The following CRYBG1 variants were observed in gnomAD, a reference collection of about 807,000 sequenced individuals.
CRYBG1 encodes the protein crystallin beta-gamma domain containing 1.
CRYBG1 carries 139 observed loss-of-function variants against 189.2 expected under a neutral mutation model. The ratio of observed to expected loss-of-function variants is 0.73; its 90% CI spans 0.64 to 0.85. The LOEUF (loss-of-function observed/expected upper bound fraction) is 0.85, where lower values mean the gene tolerates loss of function less well. Ranked by LOEUF, CRYBG1 falls within the 40% of genes least tolerant of loss-of-function variation. CRYBG1 has a pLI of 0.00. For missense variants in CRYBG1, 2,611 were observed against 2,675.8 expected (o/e 0.98, Z 0.53); for synonymous variants, 1,023 against 1,017.1 (o/e 1.01, Z -0.11).
chr6:106,541,744 A>G (rs2114570738), intron 10 of CRYBG1, 123 bp downstream of exon 10: 1 of 731,718 alleles, frequency 1.4e-6, no homozygotes, highest in Non-Finnish European at 2.2e-6. Context: ...GTGACTTCTC[A>G]TATTAAACCT....
chr6:106,467,690 G>T (rs921832787), intron 2 of CRYBG1, among the ~76,000 whole-genome samples: 2 of 151,514 alleles, frequency 1.3e-5, no homozygotes, highest in East Asian at 3.9e-4. Flanking sequence ...AGAAAGAGAA[G>T]AATTTCTAAG....
chr6:106,560,884 C>A lies in CRYBG1; in HGVS notation c.5937C>A (p.Phe1979Leu). 6.2e-7 allele frequency: 1 copy of A among 1,612,664 alleles called. No homozygotes were observed. Among genetic ancestry groups the A allele is most frequent in the Non-Finnish European group, 8.5e-7 (1 of 1,179,396 alleles). The change falls in exon 19 of 22, where the codon TTC (phenylalanine) becomes TTA (leucine). Residue 1979 changes from phenylalanine (F) to leucine (L), a missense_variant. Physicochemically the swap from Phe to Leu is conservative, Grantham distance 22 (BLOSUM62 0). Transcript: ENST00000633556. ...CAGAAGTACCTAATTGGTATGAATT[C>A]AGTGGCTGTCGCCAAATAGGTTCTC... ...SPAEVPNWYE[F>L]SGCRQIGSLR...
chr6:106,497,821 T>C lies in CRYBG1; in HGVS notation c.313-13609T>C, dbSNP rs1404480754. On this transcript the variant is annotated intron_variant, in intron 2 of 21. Coordinates refer to ENST00000633556, the MANE Select transcript of CRYBG1 (RefSeq NM_001371242.2). ...AACTGTCAGCTGAGGCTGGGCGCAGTGGCTCATGCCTGTAATCCCAGCACT... is the reference window on the plus strand; with the variant it reads ...AACTGTCAGCTGAGGCTGGGCGCAGCGGCTCATGCCTGTAATCCCAGCACT... Among the ~76,000 whole-genome samples the C allele has an allele frequency of 3.3e-5, 5 of 152,212 alleles. No homozygotes were observed. In the East Asian group the frequency reaches 9.6e-4, roughly 29 times the overall value.
chr6:106,542,977 CATTTTATTTT>C (rs201220565), intron 10 of CRYBG1, among the ~76,000 whole-genome samples: 37,506 of 147,972 alleles, frequency 0.25, 5,498 homozygotes, highest in Non-Finnish European at 0.33. Flanking sequence ...ATGATTAGAA[CATTTTATTTT>C]ATTTTATTTT....
At chr6:106,565,110 G>T (rs1479959219) in intron 21 of CRYBG1, among the ~76,000 whole-genome samples, 1 of 152,098 alleles carries the variant, frequency 6.6e-6, no homozygotes, top group Non-Finnish European at 1.5e-5. Flanking sequence ...ACGAGGTCAG[G>T]AGATCGAGAC....
intron 2 of CRYBG1, among the ~76,000 whole-genome samples, chr6:106,510,267 C>CTTT (rs1773218654): frequency 6.6e-6 from 1 of 152,258 alleles, no homozygotes; most frequent in Non-Finnish European, 1.5e-5. Flanking sequence ...GGGCTCGCCG[C>CTTT]CCCTGCTCCC....
chr6:106,571,846 C>A lies in CRYBG1; in HGVS notation c.*3280C>A. 1.8e-6 allele frequency: 1 copy of A among 557,070 alleles called. No individual in the cohort carries two copies. 34.5% of individuals were successfully genotyped at this position (557,070 alleles called of 1,614,324 possible). On this transcript the variant is annotated 3_prime_UTR_variant, in exon 22 of 22. Transcript: ENST00000633556. ...CTGATATTTTTATATCAATTACTGG[C>A]CAAAATGGTGTGTTTATTTTTTAAA...
intron 1 of CRYBG1, among the ~76,000 whole-genome samples, chr6:106,448,588 A>G (rs1358729154): frequency 1.3e-5 from 2 of 152,172 alleles, no homozygotes; most frequent in South Asian, 2.1e-4. Flanking sequence ...CCAAATTATG[A>G]AAGTTCCTAC....
chr6:106,478,640 C>G (rs942414941), intron 2 of CRYBG1, among the ~76,000 whole-genome samples: 1 of 152,222 alleles, frequency 6.6e-6, no homozygotes, highest in African/African-American at 2.4e-5. Flanking sequence ...GGGCCCCCGA[C>G]CCCTGGACCA....
chr6:106,559,322 T>C (rs1003953985), intron 18 of CRYBG1, among the ~76,000 whole-genome samples: 1 of 152,166 alleles, frequency 6.6e-6, no homozygotes, highest in Non-Finnish European at 1.5e-5. Flanking sequence ...CTTGGAAAGA[T>C]TTTTTTCCCC....
chr6:106,522,361 C>T (rs548117144), intron 4 of CRYBG1, among the ~76,000 whole-genome samples: 46 of 151,868 alleles, frequency 3.0e-4, no homozygotes, highest in African/African-American at 1.0e-3. Flanking sequence ...TTTTTTTTAC[C>T]CTGCAAAGCT....
chr6:106,447,514 C>T (rs2114430712), intron 1 of CRYBG1, among the ~76,000 whole-genome samples: 1 of 149,176 alleles, frequency 6.7e-6, no homozygotes, highest in South Asian at 2.1e-4. Flanking sequence ...GTGATTATTA[C>T]ACTTTGAATG....
At chr6:106,412,216 C>A (rs1332309303) in intron 1 of CRYBG1, among the ~76,000 whole-genome samples, 1 of 152,228 alleles carries the variant, frequency 6.6e-6, no homozygotes, top group Non-Finnish European at 1.5e-5. Flanking sequence ...CTGTGGGGCA[C>A]CACCCTGGTG....
chr6:106,455,036 G>GT (rs1225229234), intron 2 of CRYBG1: 2 of 152,164 alleles, frequency 1.3e-5, no homozygotes, highest in Non-Finnish European at 1.5e-5. Context: ...AGGAAAAAGT[G>GT]TAACTACAAA....
intron 13 of CRYBG1, among the ~76,000 whole-genome samples, chr6:106,548,829 G>A (rs897114483): frequency 1.3e-5 from 2 of 151,038 alleles, no homozygotes; most frequent in Non-Finnish European, 1.5e-5. Context: ...TGCCATGTTG[G>A]TGTGCTGCAC....
At chr6:106,464,111 A>C (rs964134) in intron 2 of CRYBG1, among the ~76,000 whole-genome samples, 1 of 152,062 alleles carries the variant, frequency 6.6e-6, no homozygotes, top group Non-Finnish European at 1.5e-5. Context: ...ACAACCAGCA[A>C]GAGCAGCTGC....
At chr6:106,492,461 T>C (rs9480675) in intron 2 of CRYBG1, among the ~76,000 whole-genome samples, 21,451 of 151,926 alleles carry the variant, frequency 0.14, 2,219 homozygotes, top group African/African-American at 0.29. Context: ...TATCTGCTAT[T>C]AGCCATAATA....
At chr6:106,436,115 A>G (rs1771448179) in intron 1 of CRYBG1, among the ~76,000 whole-genome samples, 1 of 151,998 alleles carries the variant, frequency 6.6e-6, no homozygotes, top group African/African-American at 2.4e-5. Flanking sequence ...ACCTATTAGG[A>G]GTTTTAAAAC....
intron 10 of CRYBG1, among the ~76,000 whole-genome samples, chr6:106,542,378 G>A (rs112658894): frequency 6.7e-6 from 1 of 149,324 alleles, no homozygotes; most frequent in African/African-American, 2.5e-5. Context: ...GATTTCTCCA[G>A]CTCAAGCCAT....
Sources: allele counts gnomAD v4.1 joint callset (sites outside exome capture counted in the v4.1 genomes callset), GRCh38; gene constraint gnomAD v4.1.1; transcripts MANE v1.5; gene names NCBI Gene and HGNC (gene_info 2026-07-23, HGNC 2026-07-21).